The following ABLIM2 variants were observed in gnomAD, a reference collection of about 807,000 sequenced individuals.
ABLIM2 encodes the protein actin-binding LIM protein 2.
In ABLIM2, 53 loss-of-function variants were observed where a neutral mutation model predicts 97.7. The observed-to-expected ratio is 0.54, with a 90% CI of 0.44 to 0.68. The LOEUF is 0.68. Ranked by LOEUF, ABLIM2 falls within the 30% of genes least tolerant of loss-of-function variation. ABLIM2 has a pLI of 0.00. For missense variants in ABLIM2, 835 were observed against 867.2 expected, an observed-to-expected ratio of 0.96 and a Z score of 0.47; for synonymous variants, 361 against 345.8, an observed-to-expected ratio of 1.04 and a Z score of -0.49.
chr4:7,985,520 G>A (rs1033442576), intron 17 of ABLIM2, among the ~76,000 whole-genome samples: 1 of 152,148 alleles, frequency 6.6e-6, no homozygotes, highest in Non-Finnish European at 1.5e-5. Flanking sequence ...CTGTGCGTGC[G>A]AGTCAAAGTC....
chr4:8,054,038 T>C lies in ABLIM2; in HGVS notation c.822+150A>G. 2 of 771,556 alleles carry C rather than the reference T, an allele frequency of 2.6e-6. No homozygotes were observed. The highest frequency in any genetic ancestry group is 4.4e-6 in the Non-Finnish European group (2 of 455,834). The allele number at this position is 771,556 out of a possible 1,614,324, so 47.8% of individuals were successfully genotyped here. On this transcript the variant is annotated intron_variant, in intron 8 of 20. Transcript: ENST00000447017. This position sits in a 1 kb window ranked among gnomAD's most constrained non-coding sequence, Gnocchi z 4.9. ...TGCTCACCAGTCTACTTGTTTACCC[T>C]CCCCACCTCCTAAGCCTGGCTGCCC... is the stretch of plus-strand genomic sequence containing the variant.
intron 15 of ABLIM2, among the ~76,000 whole-genome samples, chr4:8,008,408 C>T (rs1762750643): frequency 6.6e-6 from 1 of 152,222 alleles, no homozygotes; most frequent in African/African-American, 2.4e-5. Context: ...CATGGAGCAT[C>T]TGGGGGAAAC....
At chr4:8,016,147 C>T (rs1020077311) in intron 14 of ABLIM2, among the ~76,000 whole-genome samples, 3 of 148,474 alleles carry the variant, frequency 2.0e-5, no homozygotes, top group East Asian at 2.0e-4. Context: ...CGGGTTCAAG[C>T]GATTCTCCTG....
intron 20 of ABLIM2, 46 bp from the exon 21 acceptor site, chr4:7,967,149 C>G: frequency 6.6e-7 from 1 of 1,509,320 alleles, no homozygotes; most frequent in Non-Finnish European, 9.2e-7. Flanking sequence ...AGCCACGCAG[C>G]AAGGGACACC....
At chr4:8,079,397 G>A (rs747276159) in intron 5 of ABLIM2, among the ~76,000 whole-genome samples, 3 of 152,210 alleles carry the variant, frequency 2.0e-5, no homozygotes, top group East Asian at 1.9e-4. Flanking sequence ...GGGGCCTGCC[G>A]CCTGCACGGG....
intron 10 of ABLIM2, among the ~76,000 whole-genome samples, chr4:8,031,896 T>C (rs1781168854): frequency 6.6e-6 from 1 of 152,092 alleles, no homozygotes; most frequent in Non-Finnish European, 1.5e-5. Context: ...GGGTAATTTT[T>C]GTATTTTTAG....
chr4:8,064,261 T>C (rs1805497768), intron 6 of ABLIM2, among the ~76,000 whole-genome samples: 2 of 152,218 alleles, frequency 1.3e-5, no homozygotes, highest in South Asian at 4.1e-4. Context: ...AACATCCCCT[T>C]CAAAACTCAT....
chr4:7,994,062 C>A, intron 16 of ABLIM2: 1 of 393,848 alleles, frequency 2.5e-6, no homozygotes, highest in Non-Finnish European at 5.0e-6. Flanking sequence ...CAGGACCCTC[C>A]ACACCCAGGG....
chr4:8,146,875 T>C (rs996155929), intron 1 of ABLIM2, among the ~76,000 whole-genome samples: 2 of 152,016 alleles, frequency 1.3e-5, no homozygotes, highest in African/African-American at 4.8e-5. Flanking sequence ...ACAATAAATA[T>C]CAAGAAATAT....
At chr4:8,070,603 G>T (rs1466488478) in intron 6 of ABLIM2, among the ~76,000 whole-genome samples, 5 of 152,154 alleles carry the variant, frequency 3.3e-5, no homozygotes, top group Admixed American at 3.3e-4. Context: ...CAAGAATGAT[G>T]TTCAACTGGT....
In ABLIM2 at chr4:8,109,599, G is replaced by A. The variant is rs576711672; in HGVS notation, c.11-2962C>T. 2.6e-5 allele frequency among the ~76,000 whole-genome samples: 4 copies of A among 152,244 alleles called. No homozygotes were observed. The South Asian group carries it at 6.2e-4, about 24-fold the overall frequency. ...ATCCTCGCCTAGGGTCCCTGCCCAC[G>A]GATGGAACTGTGACAGGACAGCGCA... On this transcript the variant is annotated intron_variant, in intron 1 of 20. Coordinates refer to ENST00000447017, the MANE Select transcript of ABLIM2 (RefSeq NM_001130083.2).
chr4:8,001,514 A>G lies in ABLIM2; in HGVS notation c.1618+6545T>C, dbSNP rs1266638921. 6.6e-6 allele frequency among the ~76,000 whole-genome samples: 1 copy of G among 152,086 alleles called. No individual in the cohort carries two copies. ...CGGGGTGGTGTATACCTCCAGCCAC[A>G]GCATCTTCTCCTGGGCTGGGGTCCT... On this transcript the variant is annotated intron_variant, in intron 16 of 20. Transcript: ENST00000447017. This position sits in a 1 kb window ranked among gnomAD's most constrained non-coding sequence, Gnocchi z 4.2.
At chr4:8,114,216 G>A (rs1841687970) in intron 1 of ABLIM2, among the ~76,000 whole-genome samples, 1 of 152,208 alleles carries the variant, frequency 6.6e-6, no homozygotes, top group Non-Finnish European at 1.5e-5. Context: ...CTGGCCCTGT[G>A]CTGATGTGTG....
At chr4:8,050,623 C>T (rs1278110565) in intron 8 of ABLIM2, among the ~76,000 whole-genome samples, 1 of 152,254 alleles carries the variant, frequency 6.6e-6, no homozygotes, top group Non-Finnish European at 1.5e-5. Context: ...CTGCCGGGAG[C>T]CGGCCAGGTC....
intron 7 of ABLIM2, among the ~76,000 whole-genome samples, chr4:8,057,866 C>G (rs1009271935): frequency 6.6e-6 from 1 of 152,240 alleles, no homozygotes; most frequent in Non-Finnish European, 1.5e-5. Flanking sequence ...CCCGACATCC[C>G]TGGAGGCCAC....
rs1467365267 is a variant in ABLIM2 at position 8,054,993 on chromosome 4, C to T, written c.764-747G>A. ...CCGGCACCAAGTGCCCCCAGCATCC[C>T]TGGCACTCTGGTCTCTACTAATTCA... On this transcript the variant is annotated intron_variant, in intron 7 of 20. Coordinates refer to ENST00000447017, the MANE Select transcript of ABLIM2 (RefSeq NM_001130083.2). The surrounding 1 kb of genome is among the most constrained non-coding windows in gnomAD (Gnocchi z 4.9). 2.0e-5 allele frequency among the ~76,000 whole-genome samples: 3 copies of T among 152,082 alleles called. No individual in the cohort carries two copies. The East Asian group carries it at 5.8e-4, about 29-fold the overall frequency.
intron 16 of ABLIM2, among the ~76,000 whole-genome samples, chr4:7,995,472 CG>C (rs776125715): frequency 3.3e-5 from 5 of 152,226 alleles, no homozygotes; most frequent in Admixed American, 6.5e-5. Flanking sequence ...CCGCTCTCTC[CG>C]GGGACCTCAC....
chr4:8,158,704 G>A lies in ABLIM2; in HGVS notation c.-15C>T. The A allele has an allele frequency of 1.4e-6, 2 of 1,454,546 alleles. No homozygotes were observed. The highest frequency in any genetic ancestry group is 1.8e-6 in the Non-Finnish European group (2 of 1,104,604). 90.1% of individuals were successfully genotyped at this position (1,454,546 alleles called of 1,614,324 possible). A position where few individuals can be genotyped will look rare whatever the true frequency, so the allele number is the denominator to read the frequency against. Reference sequence around the variant, plus strand: ...CCTGCACTCATCTCAGCAGCCGCTCGGAGTCGGGGCGGCCCGGCGCTGCGA... The same window carrying A: ...CCTGCACTCATCTCAGCAGCCGCTCAGAGTCGGGGCGGCCCGGCGCTGCGA... On this transcript the variant is annotated 5_prime_UTR_variant, in exon 1 of 21. Coordinates refer to ENST00000447017, the MANE Select transcript of ABLIM2 (RefSeq NM_001130083.2).
At chr4:8,056,211 C>T (rs1394999569) in intron 7 of ABLIM2, among the ~76,000 whole-genome samples, 1 of 149,954 alleles carries the variant, frequency 6.7e-6, no homozygotes, top group African/African-American at 2.5e-5. Context: ...CATTTCTAAT[C>T]TCTCACCCAC....
Sources: gnomAD v4.1 joint callset for allele counts (sites outside exome capture counted in the v4.1 genomes callset) on GRCh38, gnomAD v4.1.1 for gene constraint, Gnocchi (gnomAD v3.1) non-coding constraint, MANE v1.5 for transcripts, NCBI Gene and HGNC (gene_info 2026-07-23, HGNC 2026-07-21) for gene names.